OSBPL10: variants seen among roughly 807,000 people sequenced by gnomAD.
OSBPL10 encodes the protein oxysterol binding protein like 10, also known as oxysterol-binding protein-related protein 10.
In OSBPL10, 49 loss-of-function variants were observed where a neutral mutation model predicts 81.7. The observed-to-expected ratio is 0.60, with a 90% CI of 0.48 to 0.76. OSBPL10 has a LOEUF of 0.76. OSBPL10 is among the 30% of genes least tolerant of loss of function. The pLI, the probability that OSBPL10 is intolerant of heterozygous loss-of-function variation, is 0.00. For missense variants in OSBPL10, 923 were observed against 987.8 expected, an observed-to-expected ratio of 0.93 and a Z score of 0.88; for synonymous variants, 419 against 383.6, an observed-to-expected ratio of 1.09 and a Z score of -1.08.
At chr3:31,956,231 T>TAA (rs1698002980) in intron 1 of OSBPL10, among the ~76,000 whole-genome samples, 1 of 152,130 alleles carries the variant, frequency 6.6e-6, no homozygotes, top group African/African-American at 2.4e-5. Flanking sequence ...TGCTAGAGAG[T>TAA]AAAACTCTTT....
At chr3:31,750,952 T>G (rs1290869020) in intron 4 of OSBPL10, among the ~76,000 whole-genome samples, 1 of 152,078 alleles carries the variant, frequency 6.6e-6, no homozygotes, top group African/African-American at 2.4e-5. Context: ...TTAGAGAATA[T>G]TCTTCTCTAT....
In OSBPL10 at chr3:32,052,919, C is replaced by T. The variant is rs138557631; in HGVS notation, n.186-6316G>A. Among the ~76,000 whole-genome samples the T allele has an allele frequency of 1.7e-3, 254 of 152,190 alleles. 1 individual carries two copies. The highest frequency in any genetic ancestry group is 5.8e-3 in the African/African-American group (239 of 41,498). On this transcript the variant is annotated intron_variant and non_coding_transcript_variant, in intron 1 of 3. Coordinates refer to the OSBPL10 transcript ENST00000479173. ...AACCACCATGGCACATGTGTACCTA[C>T]GTAACAAACCTGCACGTTCTGCACA...
At chr3:31,985,192 T>C (rs575300432), upstream of OSBPL10, among the ~76,000 whole-genome samples, 9 of 152,168 alleles carry the variant, frequency 5.9e-5, no homozygotes, top group Non-Finnish European at 1.3e-4. Flanking sequence ...TGAGCCAAGA[T>C]CACACCATTG....
chr3:31,811,222 G>A (rs1026137811), intron 4 of OSBPL10, among the ~76,000 whole-genome samples: 4 of 152,162 alleles, frequency 2.6e-5, no homozygotes, highest in African/African-American at 9.7e-5. Flanking sequence ...GGCAAGGACT[G>A]AGGACTGGGT....
intron 4 of OSBPL10, chr3:31,794,840 C>A: frequency 2.7e-6 from 1 of 368,218 alleles, no homozygotes; most frequent in Non-Finnish European, 5.4e-6. Context: ...AGGAGTGGGG[C>A]ATGTGGGAAA....
In OSBPL10 at chr3:31,742,782, C is replaced by T. The variant is rs946084068; in HGVS notation, c.940+5128G>A. Among the ~76,000 whole-genome samples the T allele has an allele frequency of 1.5e-4, 23 of 152,112 alleles. 1 individual carries two copies. The highest frequency in any genetic ancestry group is 1.4e-3 in the Admixed American group (21 of 15,272). Reference sequence around the variant, plus strand: ...CGAATCACTTTCTAGGCCCAGTTCCCCTCCCACACTTGAAACCCACCTAAA... The same window carrying T: ...CGAATCACTTTCTAGGCCCAGTTCCTCTCCCACACTTGAAACCCACCTAAA... On this transcript the variant is annotated intron_variant, in intron 5 of 11. Coordinates refer to ENST00000396556, the MANE Select transcript of OSBPL10 (RefSeq NM_017784.5).
intron 6 of OSBPL10, among the ~76,000 whole-genome samples, chr3:31,720,549 T>C (rs1263791570): frequency 6.6e-6 from 1 of 152,192 alleles, no homozygotes; most frequent in African/African-American, 2.4e-5. Flanking sequence ...CTCCATGCTC[T>C]ATGTAATGTA....
chr3:31,708,638 AAAGTAT>A (rs1390939891), intron 6 of OSBPL10: 1 of 835,488 alleles, frequency 1.2e-6, no homozygotes, highest in Non-Finnish European at 1.4e-6. Flanking sequence ...ATGCTTGGAA[AAAGTAT>A]CTCCCCTGAG....
At chr3:32,028,714 T>C (rs1258706109) in intron 2 of OSBPL10, among the ~76,000 whole-genome samples, 4 of 152,124 alleles carry the variant, frequency 2.6e-5, no homozygotes, top group African/African-American at 7.2e-5. Context: ...TTTTATATTT[T>C]AACTTGTTTG....
intron 6 of OSBPL10, among the ~76,000 whole-genome samples, chr3:31,725,746 C>T (rs910069315): frequency 6.6e-6 from 1 of 152,218 alleles, no homozygotes; most frequent in Non-Finnish European, 1.5e-5. Flanking sequence ...TCTACTGGAA[C>T]TCCCGGAAGC....
At chr3:31,983,503 G>A (rs1225508093), upstream of OSBPL10, among the ~76,000 whole-genome samples, 1 of 152,190 alleles carries the variant, frequency 6.6e-6, no homozygotes, top group Non-Finnish European at 1.5e-5. Flanking sequence ...AAGCTAAAAG[G>A]AATAGTCAAG....
At chr3:31,863,549 T>C (rs931913542) in intron 3 of OSBPL10, among the ~76,000 whole-genome samples, 3 of 152,246 alleles carry the variant, frequency 2.0e-5, no homozygotes, top group Non-Finnish European at 2.9e-5. Context: ...AATGTGGTCA[T>C]AGCAGTGCCT....
At chr3:31,866,473 G>C (rs1246911597) in intron 3 of OSBPL10, among the ~76,000 whole-genome samples, 1 of 152,168 alleles carries the variant, frequency 6.6e-6, no homozygotes, top group Non-Finnish European at 1.5e-5. Flanking sequence ...GCTCTCCTTA[G>C]TCAGAGTGGA....
intron 5 of OSBPL10, among the ~76,000 whole-genome samples, chr3:31,741,815 A>G (rs142052162): frequency 9.5e-4 from 144 of 152,210 alleles, no homozygotes; most frequent in Non-Finnish European, 1.8e-3. Context: ...CGGCAGGTCT[A>G]TCCCACACTG....
chr3:31,777,119 C>T (rs1303732728), intron 4 of OSBPL10, among the ~76,000 whole-genome samples: 1 of 152,184 alleles, frequency 6.6e-6, no homozygotes, highest in African/African-American at 2.4e-5. Flanking sequence ...TTTCTAAACA[C>T]ATAAAGCCTT....
At chr3:31,893,060 C>T (rs768820693) in intron 1 of OSBPL10, among the ~76,000 whole-genome samples, 30 of 152,030 alleles carry the variant, frequency 2.0e-4, no homozygotes, top group Non-Finnish European at 2.6e-4. Context: ...AGGAAGGACA[C>T]GGAAACAGCC....
chr3:31,947,856 G>T (rs1402115597), intron 1 of OSBPL10, among the ~76,000 whole-genome samples: 1 of 151,208 alleles, frequency 6.6e-6, no homozygotes, highest in Non-Finnish European at 1.5e-5. Context: ...ACTGGAAGAA[G>T]GTGAGGGAAA....
intron 8 of OSBPL10, among the ~76,000 whole-genome samples, chr3:31,678,087 C>CAAAAAAAAAA (rs1174037204): frequency 5.2e-5 from 4 of 76,648 alleles, no homozygotes; most frequent in Non-Finnish European, 7.3e-5. Context: ...GACTCCGTCT[C>CAAAAAAAAAA]AAAAAAAAAA....
Position 31,662,110 on chromosome 3 carries a change from C to A in OSBPL10, c.2257G>T (p.Gly753Cys). 6.2e-7 allele frequency: 1 copy of A among 1,614,064 alleles called. No homozygotes were observed. Among genetic ancestry groups the A allele is most frequent in the East Asian group, 2.2e-5 (1 of 44,870 alleles). The change falls in exon 12 of 12, where the codon GGC (glycine) becomes TGC (cysteine). Residue 753 changes from glycine (G) to cysteine (C), a missense_variant. Coordinates refer to ENST00000396556, the MANE Select transcript of OSBPL10 (RefSeq NM_017784.5). The part of the protein sequence containing the change: ...KPKYFIQEGD[G>C]WVYFNPLWKA... ...CAGAGGGGATTGAAGTATACCCAGC[C>A]ATCGCCCTGCAAGAGAAGAAAGGAG...
Sources: allele counts gnomAD v4.1 joint callset (sites outside exome capture counted in the v4.1 genomes callset), GRCh38; gene constraint gnomAD v4.1.1; transcripts MANE v1.5; gene names NCBI Gene and HGNC (gene_info 2026-07-23, HGNC 2026-07-21).